USP6NL: variants seen among roughly 807,000 people sequenced by gnomAD.
USP6NL encodes the protein USP6 N-terminal like, also known as USP6 N-terminal-like protein.
USP6NL carries 26 observed loss-of-function variants against 61.9 expected under a neutral mutation model. The observed-to-expected ratio is 0.42, with a 90% CI of 0.31 to 0.58. The LOEUF (loss-of-function observed/expected upper bound fraction) is 0.58, where lower values mean the gene tolerates loss of function less well. Among genes scored for constraint, USP6NL ranks in the 20% least tolerant of loss-of-function variants. The pLI is 0.16. For synonymous variants in USP6NL, 432 were observed against 390.1 expected (o/e 1.11, Z -1.27); for missense variants, 1,114 against 1,034.3 (o/e 1.08, Z -1.06).
chr10:11,462,091 T>C lies in USP6NL; in HGVS notation c.*350A>G. ...ATCTATTCTACAGTTTTTTCAGTAC[T>C]TTGTAACATTAGTCAAAATAGAATG... On this transcript the variant is annotated 3_prime_UTR_variant, in exon 15 of 15. Coordinates refer to ENST00000609104, the MANE Select transcript of USP6NL (RefSeq NM_014688.5). The C allele has an allele frequency of 4.3e-6, 1 of 231,558 alleles. No homozygotes were observed. The highest frequency in any genetic ancestry group is 8.4e-6 in the Non-Finnish European group (1 of 118,606). 14.3% of individuals were successfully genotyped at this position (231,558 alleles called of 1,614,324 possible). A position where few individuals can be genotyped will look rare whatever the true frequency, so the allele number is the denominator to read the frequency against.
chr10:11,531,138 C>A (rs1042019356), intron 2 of USP6NL, among the ~76,000 whole-genome samples: 1 of 152,116 alleles, frequency 6.6e-6, no homozygotes, highest in Non-Finnish European at 1.5e-5. Flanking sequence ...GCTCTCGTTG[C>A]ATGACAAATC....
intron 2 of USP6NL, among the ~76,000 whole-genome samples, chr10:11,568,990 G>T (rs1485444511): frequency 2.0e-5 from 3 of 152,154 alleles, no homozygotes; most frequent in African/African-American, 7.2e-5. Flanking sequence ...GGTGGACAAT[G>T]AACACTGTCT....
At chr10:11,570,660 T>C (rs1363361457) in intron 2 of USP6NL, among the ~76,000 whole-genome samples, 1 of 152,186 alleles carries the variant, frequency 6.6e-6, no homozygotes, top group Non-Finnish European at 1.5e-5. Context: ...ACATGAGGCT[T>C]TTAAAGGAGA....
intron 6 of USP6NL, among the ~76,000 whole-genome samples, chr10:11,505,968 A>C (rs936550608): frequency 3.3e-5 from 5 of 152,194 alleles, no homozygotes; most frequent in African/African-American, 1.2e-4. Context: ...TGCATCTAAA[A>C]AAGTTTTAAA....
intron 2 of USP6NL, among the ~76,000 whole-genome samples, chr10:11,571,575 T>C (rs1001485627): frequency 1.1e-4 from 16 of 152,252 alleles, no homozygotes; most frequent in Admixed American, 2.6e-4. Context: ...AATATTAATA[T>C]GAATACAATA....
rs1169747654 is a variant in USP6NL, at chr10:11,562,472, A to C, written c.5-34905T>G. The C allele has an allele frequency of 3.0e-6, 3 of 985,282 alleles. No homozygotes were observed. Among genetic ancestry groups the C allele is most frequent in the African/African-American group, 1.7e-5 (1 of 57,220 alleles). 61.0% of individuals were successfully genotyped at this position (985,282 alleles called of 1,614,324 possible). A position where few individuals can be genotyped will look rare whatever the true frequency, so the allele number is the denominator to read the frequency against. ...CAGTCATCACGTATCTCTGAGGACA[A>C]GGATTAAGTGTGGCTGAGGAGAAAC... On this transcript the variant is annotated intron_variant, in intron 2 of 14. Transcript: ENST00000609104. The surrounding 1 kb of genome is among the most constrained non-coding windows in gnomAD (Gnocchi z 4.8).
Position 11,519,489 on chromosome 10 carries a change from G to GT in USP6NL, c.156-916dup, listed in dbSNP as rs1835111204. Among the ~76,000 whole-genome samples the GT allele has an allele frequency of 2.0e-5, 3 of 152,098 alleles. No homozygotes were observed. In the South Asian group the frequency reaches 6.2e-4, roughly 32 times the overall value. ...TGCTAAAAACACAAAAATTAAACAG[G>GT]TATGTTGGCAGGTGCCTGTAATCCC... On this transcript the variant is annotated intron_variant, in intron 4 of 14. Coordinates refer to ENST00000609104, the MANE Select transcript of USP6NL (RefSeq NM_014688.5).
chr10:11,479,095 A>G (rs573400284), intron 14 of USP6NL, among the ~76,000 whole-genome samples: 1 of 152,224 alleles, frequency 6.6e-6, no homozygotes, highest in Non-Finnish European at 1.5e-5. Context: ...TTATATCTCA[A>G]TGAAGTTGTA....
intron 2 of USP6NL, among the ~76,000 whole-genome samples, chr10:11,568,647 C>A (rs1837254014): frequency 6.6e-6 from 1 of 152,098 alleles, no homozygotes; most frequent in Non-Finnish European, 1.5e-5. Context: ...AAGTAAAAGG[C>A]CAAAAATTCT....
At position 11,496,968 on chromosome 10, in the gene USP6NL, G is replaced by A. The variant is rs1833954687; in HGVS notation, c.385-3740C>T. 6.6e-6 allele frequency among the ~76,000 whole-genome samples: 1 copy of A among 151,732 alleles called. No homozygotes were observed. The highest frequency in any genetic ancestry group is 1.5e-5 in the Non-Finnish European group (1 of 67,990). On this transcript the variant is annotated intron_variant, in intron 7 of 14. Transcript: ENST00000609104. This position sits in a 1 kb window ranked among gnomAD's most constrained non-coding sequence, Gnocchi z 5.4. ...CTCAAGACAGAGGAAGACATTTAGA[G>A]TATTGTATTAGATTCATATGGCCAC...
intron 8 of USP6NL, among the ~76,000 whole-genome samples, chr10:11,492,078 C>T (rs1174786004): frequency 6.6e-6 from 1 of 152,164 alleles, no homozygotes; most frequent in African/African-American, 2.4e-5. Context: ...GTGTAAGTTA[C>T]AGGATACTAA....
In USP6NL at chr10:11,532,297, T is replaced by C; in HGVS notation, c.5-4730A>G. The C allele has an allele frequency of 1.4e-6, 2 of 1,399,486 alleles. No homozygotes were observed. Among genetic ancestry groups the C allele is most frequent in the Non-Finnish European group, 1.9e-6 (2 of 1,031,118 alleles). The allele number at this position is 1,399,486 out of a possible 1,614,324, so 86.7% of individuals were successfully genotyped here. A position where few individuals can be genotyped will look rare whatever the true frequency, so the allele number is the denominator to read the frequency against. ...TAGTTCTCGAACACACCAAGAGTGCTGCCCGGCGGTACCTCACACATTCTG... is the reference window on the plus strand; with the variant it reads ...TAGTTCTCGAACACACCAAGAGTGCCGCCCGGCGGTACCTCACACATTCTG... On this transcript the variant is annotated intron_variant, in intron 2 of 14. Coordinates refer to ENST00000609104, the MANE Select transcript of USP6NL (RefSeq NM_014688.5). This position sits in a 1 kb window ranked among gnomAD's most constrained non-coding sequence, Gnocchi z 4.1.
chr10:11,498,847 T>C (rs538543534), intron 7 of USP6NL, among the ~76,000 whole-genome samples: 4 of 152,022 alleles, frequency 2.6e-5, no homozygotes, highest in Admixed American at 6.5e-5. Flanking sequence ...ATAAAGGTGA[T>C]TTCTTTTCTT....
intron 8 of USP6NL, among the ~76,000 whole-genome samples, chr10:11,492,513 T>C (rs1376974813): frequency 6.6e-6 from 1 of 152,166 alleles, no homozygotes; most frequent in Non-Finnish European, 1.5e-5. Context: ...CTTCAGCTCA[T>C]CCCCGAGGCC....
chr10:11,551,585 C>T (rs536214963), intron 2 of USP6NL, among the ~76,000 whole-genome samples: 27 of 152,242 alleles, frequency 1.8e-4, no homozygotes, highest in South Asian at 1.2e-3. Context: ...ACCATCGCAG[C>T]GATGAGAAAA....
In USP6NL at chr10:11,471,506, G is replaced by A. The variant is rs867186197; in HGVS notation, c.1079-7657C>T. On this transcript the variant is annotated intron_variant, in intron 14 of 14. Transcript: ENST00000609104. ...TACCCAAAGGATTATAAATCATGCT[G>A]CTATAAAGACACATGCACACGTATG... Among the ~76,000 whole-genome samples, 5 of 152,296 alleles carry A rather than the reference G, an allele frequency of 3.3e-5. No individual in the cohort carries two copies. In the South Asian group the frequency reaches 1.0e-3, roughly 32 times the overall value.
Position 11,587,810 on chromosome 10 carries a change from A to G in USP6NL, c.4+9821T>C, listed in dbSNP as rs534872220. ...AGCCGTCTCATTTCAACGCCATCTC[A>G]TATTCTAGAAAATATTTCATTGTCA... is the stretch of plus-strand genomic sequence containing the variant. On this transcript the variant is annotated intron_variant, in intron 2 of 14. Coordinates refer to ENST00000609104, the MANE Select transcript of USP6NL (RefSeq NM_014688.5). This position sits in a 1 kb window ranked among gnomAD's most constrained non-coding sequence, Gnocchi z 4.5. 6.6e-6 allele frequency among the ~76,000 whole-genome samples: 1 copy of G among 152,354 alleles called. No homozygotes were observed. The highest frequency in any genetic ancestry group is 6.5e-5 in the Admixed American group (1 of 15,308).
Position 11,490,913 on chromosome 10 carries a change from A to T in USP6NL, c.495-33T>A, listed in dbSNP as rs1470510620. On this transcript the variant is annotated intron_variant, in intron 8 of 14. Coordinates refer to ENST00000609104, the MANE Select transcript of USP6NL (RefSeq NM_014688.5). The surrounding 1 kb of genome is among the most constrained non-coding windows in gnomAD (Gnocchi z 4.5). The stretch of plus-strand genomic sequence containing the variant: ...AAAAAATTTACATTAAATACAATTT[A>T]GTAATTTCACATATTTTAAAAATTA... 6.7e-7 allele frequency: 1 copy of T among 1,497,774 alleles called. No individual in the cohort carries two copies. The highest frequency in any genetic ancestry group is 1.3e-5 in the South Asian group (1 of 76,308). The allele number at this position is 1,497,774 out of a possible 1,614,324, so 92.8% of individuals were successfully genotyped here. A position where few individuals can be genotyped will look rare whatever the true frequency, so the allele number is the denominator to read the frequency against.
chr10:11,601,575 C>T (rs1402233801), intron 1 of USP6NL, among the ~76,000 whole-genome samples: 1 of 152,092 alleles, frequency 6.6e-6, no homozygotes, highest in African/African-American at 2.4e-5. Flanking sequence ...AAAACCAAAA[C>T]TTTTCCAATG....
Sources: gnomAD v4.1 joint callset for allele counts (sites outside exome capture counted in the v4.1 genomes callset) on GRCh38, gnomAD v4.1.1 for gene constraint, Gnocchi (gnomAD v3.1) non-coding constraint, MANE v1.5 for transcripts, NCBI Gene and HGNC (gene_info 2026-07-23, HGNC 2026-07-21) for gene names.